SMYD3: variants seen among roughly 807,000 people sequenced by gnomAD.
SMYD3 encodes histone-lysine N-methyltransferase SMYD3.
In SMYD3, 36 loss-of-function variants were observed where a neutral mutation model predicts 57.7. That is an observed-to-expected ratio of 0.62 (90% confidence interval 0.48 to 0.82). The LOEUF (loss-of-function observed/expected upper bound fraction) is 0.82, where lower values mean the gene tolerates loss of function less well. Ranked by LOEUF, SMYD3 falls within the 40% of genes least tolerant of loss-of-function variation. SMYD3 has a pLI of 0.00. For missense variants in SMYD3, 515 were observed against 538.8 expected, an observed-to-expected ratio of 0.96 and a Z score of 0.44; for synonymous variants, 211 against 195.0, an observed-to-expected ratio of 1.08 and a Z score of -0.68.
intron 5 of SMYD3, among the ~76,000 whole-genome samples, chr1:246,171,385 C>G (rs2062329443): frequency 6.6e-6 from 1 of 152,090 alleles, no homozygotes; most frequent in African/African-American, 2.4e-5. Flanking sequence ...TTAGATCATT[C>G]TTTTTCCAGA....
chr1:245,796,721 G>A (rs964027858), intron 10 of SMYD3, among the ~76,000 whole-genome samples: 5 of 152,278 alleles, frequency 3.3e-5, no homozygotes, highest in African/African-American at 4.8e-5. Context: ...GTGTGGAGGA[G>A]AGCAGAGTGT....
At chr1:246,254,630 G>A (rs1033352374) in intron 5 of SMYD3, among the ~76,000 whole-genome samples, 2 of 152,036 alleles carry the variant, frequency 1.3e-5, no homozygotes, top group Admixed American at 6.6e-5. Flanking sequence ...CTCTTTTTTG[G>A]TTCTATGTTA....
chr1:245,811,040 T>A (rs764408015), intron 10 of SMYD3, among the ~76,000 whole-genome samples: 1 of 152,214 alleles, frequency 6.6e-6, no homozygotes, highest in Non-Finnish European at 1.5e-5. Context: ...CAATTCAACA[T>A]GGCTTCTTGC....
At chr1:246,285,994 A>G (rs1558377774) in intron 5 of SMYD3, among the ~76,000 whole-genome samples, 1 of 152,174 alleles carries the variant, frequency 6.6e-6, no homozygotes, top group Non-Finnish European at 1.5e-5. Flanking sequence ...AAAAAATAGA[A>G]GTTGGCATGG....
intron 5 of SMYD3, among the ~76,000 whole-genome samples, chr1:245,997,037 C>G (rs2058944536): frequency 6.6e-6 from 1 of 152,222 alleles, no homozygotes; most frequent in Non-Finnish European, 1.5e-5. Flanking sequence ...TGCGCATATG[C>G]TGCGTTTTTC....
chr1:246,498,934 G>A (rs928007388), intron 1 of SMYD3, among the ~76,000 whole-genome samples: 1 of 151,442 alleles, frequency 6.6e-6, no homozygotes. Flanking sequence ...GATTACAAGG[G>A]TGCACACCAT....
rs115116930 is a variant in SMYD3, at chr1:246,272,579, A to G, written c.531+54622T>C. Among the ~76,000 whole-genome samples the G allele has an allele frequency of 3.1e-3, 465 of 152,294 alleles. 2 individuals are homozygous for G. Among genetic ancestry groups the G allele is most frequent in the Non-Finnish European group, 5.5e-3 (376 of 68,028 alleles). ...CCCCTACAATCTGTTTATATGATATATTACACTGATTGATTTTCACATTTT... is the reference window on the plus strand; with the variant it reads ...CCCCTACAATCTGTTTATATGATATGTTACACTGATTGATTTTCACATTTT... On this transcript the variant is annotated intron_variant, in intron 5 of 11. Transcript: ENST00000490107.
chr1:246,084,035 T>A (rs1558213341), intron 5 of SMYD3, among the ~76,000 whole-genome samples: 1 of 152,154 alleles, frequency 6.6e-6, no homozygotes. Flanking sequence ...TAGTATTGTT[T>A]GGCTTACTAC....
rs114944807 is a variant in SMYD3, at chr1:246,367,087, G to A, written c.165-11993C>T. The stretch of plus-strand genomic sequence containing the variant: ...GGACCACTTATTTTAGGTAGCTTCA[G>A]AGGCTAAAACAAGAAATAGTGAATG... On this transcript the variant is annotated intron_variant, in intron 1 of 11. Transcript: ENST00000490107. Among the ~76,000 whole-genome samples, 1,036 of 152,230 alleles carry A rather than the reference G, an allele frequency of 6.8e-3. 13 individuals are homozygous for A. The highest frequency in any genetic ancestry group is 0.023 in the African/African-American group (974 of 41,528).
intron 1 of SMYD3, among the ~76,000 whole-genome samples, chr1:246,415,649 A>G (rs1186878920): frequency 6.6e-6 from 1 of 152,052 alleles, no homozygotes; most frequent in East Asian, 1.9e-4. Context: ...GACTCAAACT[A>G]TTGGGCTCAA....
At chr1:246,391,986 C>G (rs529855922) in intron 1 of SMYD3, among the ~76,000 whole-genome samples, 4 of 152,332 alleles carry the variant, frequency 2.6e-5, no homozygotes, top group African/African-American at 7.2e-5. Flanking sequence ...CCACTCATCC[C>G]TCCAGTTTCA....
At chr1:245,926,421 C>T (rs1041285738) in intron 7 of SMYD3, among the ~76,000 whole-genome samples, 2 of 152,148 alleles carry the variant, frequency 1.3e-5, no homozygotes, top group African/African-American at 4.8e-5. Context: ...GTGGGGAGAA[C>T]CTTCTTTTTG....
chr1:246,179,713 G>C (rs2148279692), intron 5 of SMYD3, among the ~76,000 whole-genome samples: 1 of 152,286 alleles, frequency 6.6e-6, no homozygotes, highest in East Asian at 1.9e-4. Flanking sequence ...TCTTAACCTT[G>C]AGTATATGAA....
At chr1:246,361,005 AACAG>A (rs1222176346) in intron 1 of SMYD3, among the ~76,000 whole-genome samples, 3 of 152,246 alleles carry the variant, frequency 2.0e-5, no homozygotes. Context: ...CAGCAGAGTT[AACAG>A]ACAAACCACA....
rs566622508 is a variant in SMYD3, at chr1:246,057,957, G to A, written c.532-128020C>T. Among the ~76,000 whole-genome samples the A allele has an allele frequency of 1.6e-4, 25 of 152,268 alleles. No individual in the cohort carries two copies. In the Middle Eastern group the frequency reaches 0.017, roughly 104 times the overall value. On this transcript the variant is annotated intron_variant, in intron 5 of 11. Coordinates refer to ENST00000490107, the MANE Select transcript of SMYD3 (RefSeq NM_001167740.2). ...ATGTTATCAAGCCATGAAAAGGCACGGAGCAATCTTAAATGCATACTACTA... is the reference window on the plus strand; with the variant it reads ...ATGTTATCAAGCCATGAAAAGGCACAGAGCAATCTTAAATGCATACTACTA...
At chr1:245,921,548 T>TAC (rs1325840026) in intron 7 of SMYD3, among the ~76,000 whole-genome samples, 3 of 14,470 alleles carry the variant, frequency 2.1e-4, no homozygotes, top group African/African-American at 3.8e-4. Context: ...AAAAATGTGG[T>TAC]GTATATATAT....
intron 5 of SMYD3, among the ~76,000 whole-genome samples, chr1:246,156,477 T>C (rs2062024636): frequency 6.6e-6 from 1 of 152,210 alleles, no homozygotes; most frequent in African/African-American, 2.4e-5. Context: ...ATTTTCCCCA[T>C]AAAAATAAGT....
chr1:246,401,591 C>A (rs1299291256), intron 1 of SMYD3, among the ~76,000 whole-genome samples: 1 of 152,032 alleles, frequency 6.6e-6, no homozygotes, highest in Non-Finnish European at 1.5e-5. Context: ...CCTCAGCCTC[C>A]CAAAGTGCTA....
At chr1:246,095,640 C>T (rs1219502820) in intron 5 of SMYD3, among the ~76,000 whole-genome samples, 2 of 152,194 alleles carry the variant, frequency 1.3e-5, no homozygotes, top group African/African-American at 4.8e-5. Context: ...CAAGCCATAA[C>T]CAGGCCTTAA....
Sources: gnomAD v4.1 joint callset for allele counts (sites outside exome capture counted in the v4.1 genomes callset) on GRCh38, gnomAD v4.1.1 for gene constraint, MANE v1.5 for transcripts, NCBI Gene and HGNC (gene_info 2026-07-23, HGNC 2026-07-21) for gene names.